TAFA4: variants seen among roughly 807,000 people sequenced by gnomAD.
TAFA4 encodes the protein chemokine-like protein TAFA-4.
TAFA4 carries 20 observed loss-of-function variants against 21.1 expected under a neutral mutation model. The ratio of observed to expected loss-of-function variants is 0.95; its 90% CI spans 0.67 to 1.38. The LOEUF is 1.38. Among genes scored for constraint, TAFA4 ranks in the 40% most tolerant of loss-of-function variants. The pLI, the probability that TAFA4 is intolerant of heterozygous loss-of-function variation, is 0.00. For synonymous variants in TAFA4, 71 were observed against 67.4 expected (o/e 1.05, Z -0.26); for missense variants, 211 against 180.9 (o/e 1.17, Z -0.95).
intron 3 of TAFA4, among the ~76,000 whole-genome samples, chr3:68,863,722 T>A (rs1008279161): frequency 2.0e-5 from 3 of 152,196 alleles, no homozygotes; most frequent in African/African-American, 7.2e-5. Flanking sequence ...AATATTCTTA[T>A]CTGAAAAGCT....
At chr3:68,879,092 C>T (rs1479770217) in intron 3 of TAFA4, among the ~76,000 whole-genome samples, 1 of 152,164 alleles carries the variant, frequency 6.6e-6, no homozygotes, top group African/African-American at 2.4e-5. Flanking sequence ...ACTAGGGTTT[C>T]CTAGTGCCAT....
chr3:68,804,468 C>T (rs955425682), intron 3 of TAFA4, among the ~76,000 whole-genome samples: 3 of 152,202 alleles, frequency 2.0e-5, no homozygotes, highest in South Asian at 4.1e-4. Context: ...TCATATAGAA[C>T]CAAAAAAGAG....
At chr3:68,901,496 A>G (rs906035460) in intron 1 of TAFA4, among the ~76,000 whole-genome samples, 2 of 151,958 alleles carry the variant, frequency 1.3e-5, no homozygotes, top group African/African-American at 4.8e-5. Flanking sequence ...GACAAGGGAA[A>G]CTCTGTCTAT....
At chr3:68,887,470 C>T (rs1030299695) in intron 1 of TAFA4, among the ~76,000 whole-genome samples, 4 of 152,072 alleles carry the variant, frequency 2.6e-5, no homozygotes, top group East Asian at 1.9e-4. Context: ...GGGGTAGCCT[C>T]GCTCCCATGA....
intron 1 of TAFA4, among the ~76,000 whole-genome samples, chr3:68,894,521 C>T (rs987594638): frequency 6.6e-6 from 1 of 152,184 alleles, no homozygotes; most frequent in Non-Finnish European, 1.5e-5. Flanking sequence ...GATGTTCAAA[C>T]ATCCAGCCTG....
chr3:68,801,122 A>G (rs987974960), intron 3 of TAFA4, among the ~76,000 whole-genome samples: 5 of 152,212 alleles, frequency 3.3e-5, no homozygotes, highest in African/African-American at 9.6e-5. Context: ...AAATCCCAAG[A>G]AAGTGTACCC....
intron 1 of TAFA4, among the ~76,000 whole-genome samples, chr3:68,903,027 G>A (rs2089859718): frequency 6.6e-6 from 1 of 151,782 alleles, no homozygotes; most frequent in South Asian, 2.1e-4. Flanking sequence ...AAAAATCAGG[G>A]ACAGGACTCT....
intron 3 of TAFA4, among the ~76,000 whole-genome samples, chr3:68,856,496 A>G (rs1705073413): frequency 6.6e-6 from 1 of 152,008 alleles, no homozygotes; most frequent in Non-Finnish European, 1.5e-5. Context: ...AGAGTCTTTC[A>G]GTCTTCATCT....
At chr3:68,809,278 C>G (rs4855518) in intron 3 of TAFA4, among the ~76,000 whole-genome samples, 99,988 of 151,914 alleles carry the variant, frequency 0.66, 33,405 homozygotes, top group East Asian at 0.98. Context: ...AGCACAGAAT[C>G]AATCAAAATA....
intron 1 of TAFA4, among the ~76,000 whole-genome samples, chr3:68,896,989 C>T (rs568493067): frequency 6.2e-4 from 95 of 152,284 alleles, no homozygotes; most frequent in African/African-American, 1.9e-4. Flanking sequence ...CTGCAACCTC[C>T]GCCTCCGGGT....
At chr3:68,890,709 T>G (rs1229316404) in intron 1 of TAFA4, among the ~76,000 whole-genome samples, 2 of 152,212 alleles carry the variant, frequency 1.3e-5, no homozygotes, top group African/African-American at 2.4e-5. Context: ...ACCTACAGTT[T>G]CAGTTCTAGT....
In TAFA4 at chr3:68,885,298, T is replaced by A; in HGVS notation, c.-110A>T. The A allele has an allele frequency of 1.0e-6, 1 of 984,888 alleles. No homozygotes were observed. Among genetic ancestry groups the A allele is most frequent in the Non-Finnish European group, 1.5e-6 (1 of 667,946 alleles). 61.0% of individuals were successfully genotyped at this position (984,888 alleles called of 1,614,324 possible). On this transcript the variant is annotated 5_prime_UTR_variant, in exon 2 of 6. Coordinates refer to ENST00000295569, the MANE Select transcript of TAFA4 (RefSeq NM_182522.5). Reference sequence around the variant, plus strand: ...TTTCTGCCGTTCCAAAAAATTATCGTAGCTCAGAAGACCTATGTTAAAAAG... The same window carrying A: ...TTTCTGCCGTTCCAAAAAATTATCGAAGCTCAGAAGACCTATGTTAAAAAG...
intron 3 of TAFA4, among the ~76,000 whole-genome samples, chr3:68,754,575 A>G (rs939497192): frequency 6.6e-6 from 1 of 152,180 alleles, no homozygotes; most frequent in Non-Finnish European, 1.5e-5. Context: ...TATCAGTGCT[A>G]CTACCTTTAA....
intron 1 of TAFA4, among the ~76,000 whole-genome samples, chr3:68,931,808 G>T (rs2090160933): frequency 6.6e-6 from 1 of 152,138 alleles, no homozygotes; most frequent in African/African-American, 2.4e-5. Context: ...GCTCCCACCT[G>T]CTTGCTCCTA....
intron 3 of TAFA4, among the ~76,000 whole-genome samples, chr3:68,822,040 C>T (rs1021206257): frequency 2.6e-5 from 4 of 152,136 alleles, no homozygotes; most frequent in African/African-American, 4.8e-5. Flanking sequence ...ATTATGCTTG[C>T]TCTTTTTATA....
At chr3:68,813,796 A>T (rs957787156) in intron 3 of TAFA4, among the ~76,000 whole-genome samples, 1 of 152,130 alleles carries the variant, frequency 6.6e-6, no homozygotes, top group Non-Finnish European at 1.5e-5. Flanking sequence ...AAAAGAGGGA[A>T]TCCTCCCTAA....
intron 3 of TAFA4, among the ~76,000 whole-genome samples, chr3:68,847,295 C>T (rs536144790): frequency 1.3e-5 from 2 of 152,206 alleles, no homozygotes; most frequent in African/African-American, 4.8e-5. Flanking sequence ...GTTTGAACAT[C>T]CAGGCCACTT....
intron 3 of TAFA4, among the ~76,000 whole-genome samples, chr3:68,826,212 C>G (rs1320658776): frequency 6.6e-6 from 1 of 152,206 alleles, no homozygotes; most frequent in Non-Finnish European, 1.5e-5. Context: ...CCACCTCTGC[C>G]ACTACCTATG....
intron 3 of TAFA4, among the ~76,000 whole-genome samples, chr3:68,832,627 G>C (rs990289925): frequency 3.9e-5 from 6 of 152,216 alleles, no homozygotes; most frequent in African/African-American, 1.4e-4. Context: ...TCCCAGTCAG[G>C]CTACATGGGG....
Sources: allele counts gnomAD v4.1 joint callset (sites outside exome capture counted in the v4.1 genomes callset), GRCh38; gene constraint gnomAD v4.1.1; transcripts MANE v1.5; gene names NCBI Gene and HGNC (gene_info 2026-07-23, HGNC 2026-07-21).